LRRIQ3: variants seen among roughly 807,000 people sequenced by gnomAD.
The protein encoded by LRRIQ3 is leucine rich repeats and IQ motif containing 3.
Under a neutral mutation model 59.3 loss-of-function variants are expected in LRRIQ3, and 75 were observed. The ratio of observed to expected loss-of-function variants is 1.26; its 90% CI spans 1.05 to 1.53. The LOEUF (loss-of-function observed/expected upper bound fraction) is 1.53, where lower values mean the gene tolerates loss of function less well. Ranked by LOEUF, LRRIQ3 falls within the 40% of genes most tolerant of loss-of-function variation. The pLI is 0.00. For missense variants in LRRIQ3, 831 were observed against 710.0 expected (o/e 1.17, Z -1.94); for synonymous variants, 250 against 231.3 (o/e 1.08, Z -0.73).
intron 7 of LRRIQ3, among the ~76,000 whole-genome samples, chr1:74,036,222 G>C (rs1653868497): frequency 6.6e-6 from 1 of 152,134 alleles, no homozygotes; most frequent in Admixed American, 6.5e-5. Context: ...GAAGCAGAAA[G>C]ATTGCTCTCA....
intron 3 of LRRIQ3, among the ~76,000 whole-genome samples, chr1:74,163,822 C>T (rs1191375057): frequency 6.6e-6 from 1 of 151,378 alleles, no homozygotes; most frequent in African/African-American, 2.4e-5. Context: ...TTAGTTTTTT[C>T]AGAAAATGTC....
chr1:74,110,394 T>C (rs2100563419), intron 4 of LRRIQ3, among the ~76,000 whole-genome samples: 1 of 152,108 alleles, frequency 6.6e-6, no homozygotes, highest in Admixed American at 6.6e-5. Flanking sequence ...TGATCATGTA[T>C]TGTAAAACTC....
intron 4 of LRRIQ3, among the ~76,000 whole-genome samples, chr1:74,146,310 A>C (rs187175297): frequency 3.3e-5 from 5 of 152,186 alleles, no homozygotes; most frequent in African/African-American, 1.2e-4. Context: ...ATCATATACA[A>C]TGTTAGTGTA....
At chr1:74,066,659 A>C (rs911273887) in intron 6 of LRRIQ3, among the ~76,000 whole-genome samples, 1 of 152,170 alleles carries the variant, frequency 6.6e-6, no homozygotes, top group South Asian at 2.1e-4. Flanking sequence ...TTCATAGCCT[A>C]CTTATGAAAT....
At chr1:74,162,604 C>T (rs1648725094) in intron 3 of LRRIQ3, among the ~76,000 whole-genome samples, 1 of 151,742 alleles carries the variant, frequency 6.6e-6, no homozygotes, top group Admixed American at 6.6e-5. Flanking sequence ...AAAACTAATT[C>T]TAAAACTATA....
intron 6 of LRRIQ3, among the ~76,000 whole-genome samples, chr1:74,061,142 C>T (rs1654711152): frequency 1.3e-5 from 2 of 152,070 alleles, no homozygotes; most frequent in South Asian, 4.1e-4. Flanking sequence ...CCAACAACAT[C>T]CATGCTGAGA....
chr1:74,096,498 T>G (rs576241476), intron 5 of LRRIQ3, among the ~76,000 whole-genome samples: 1 of 151,772 alleles, frequency 6.6e-6, no homozygotes, highest in East Asian at 1.9e-4. Context: ...AGGTTATAAC[T>G]TCCTCCTTTG....
At position 74,182,673 on chromosome 1, in the gene LRRIQ3, G is replaced by C; in HGVS notation, c.438C>G (p.Asn146Lys). The change falls in exon 3 of 8, where the codon AAC becomes AAG. Residue 146 changes from asparagine (N) to lysine (K), a missense_variant. By Grantham distance (94) the Asn-to-Lys change is moderately conservative. Transcript: ENST00000354431. ...LKKGYRHVLVNSIWPLKALDH... is the reference protein window; with the variant it reads ...LKKGYRHVLVKSIWPLKALDH... ...CCAGCGCTTTGAGAGGCCATATACTGTTAACAAGAACATGTCTATATCCTT... is the reference window on the plus strand; with the variant it reads ...CCAGCGCTTTGAGAGGCCATATACTCTTAACAAGAACATGTCTATATCCTT... 1 of 1,612,394 alleles carries C rather than the reference G, an allele frequency of 6.2e-7. No individual in the cohort carries two copies. The highest frequency in any genetic ancestry group is 8.5e-7 in the Non-Finnish European group (1 of 1,178,892).
intron 4 of LRRIQ3, among the ~76,000 whole-genome samples, chr1:74,143,563 A>G (rs2100642010): frequency 6.6e-6 from 1 of 151,884 alleles, no homozygotes; most frequent in African/African-American, 2.4e-5. Flanking sequence ...TTAAAATATA[A>G]TTTTCTTTAA....
At chr1:74,112,416 T>G (rs1557621164) in intron 4 of LRRIQ3, among the ~76,000 whole-genome samples, 1 of 152,026 alleles carries the variant, frequency 6.6e-6, no homozygotes, top group African/African-American at 2.4e-5. Context: ...AGGTTGAAGT[T>G]TTCCAGAGAA....
intron 6 of LRRIQ3, among the ~76,000 whole-genome samples, chr1:74,064,138 G>T (rs1654806116): frequency 6.6e-6 from 1 of 151,542 alleles, no homozygotes; most frequent in Non-Finnish European, 1.5e-5. Context: ...TCTATATATG[G>T]TAAAAATATT....
chr1:74,042,187 T>C (rs1362085776), intron 6 of LRRIQ3, among the ~76,000 whole-genome samples: 1 of 152,130 alleles, frequency 6.6e-6, no homozygotes, highest in Non-Finnish European at 1.5e-5. Flanking sequence ...TTACTTAACT[T>C]GCAGTGACTC....
At chr1:74,179,093 G>A (rs1345880365) in intron 3 of LRRIQ3, among the ~76,000 whole-genome samples, 3 of 152,074 alleles carry the variant, frequency 2.0e-5, no homozygotes, top group South Asian at 2.1e-4. Flanking sequence ...TAAACAAAAC[G>A]CAATACTGGC....
At chr1:74,030,003 G>A (rs1346614840) in intron 7 of LRRIQ3, among the ~76,000 whole-genome samples, 1 of 151,840 alleles carries the variant, frequency 6.6e-6, no homozygotes, top group Non-Finnish European at 1.5e-5. Flanking sequence ...CAAATCATGA[G>A]TGAACTCCCA....
intron 5 of LRRIQ3, among the ~76,000 whole-genome samples, chr1:74,101,080 G>A (rs1389279799): frequency 1.3e-5 from 2 of 152,088 alleles, no homozygotes; most frequent in Non-Finnish European, 2.9e-5. Context: ...GAACTAAAGA[G>A]CTCTGCACAG....
In LRRIQ3 at chr1:74,075,850, G is replaced by A. The variant is rs555162602; in HGVS notation, c.868-1060C>T. ...GGTACTATCCTCAAACTTTTCACAT[G>A]AGTGAAAATAGCTACTAGAGCTCCA... On this transcript the variant is annotated intron_variant, in intron 5 of 7. Coordinates refer to ENST00000354431, the MANE Select transcript of LRRIQ3 (RefSeq NM_001105659.2). Among the ~76,000 whole-genome samples, 15 of 152,218 alleles carry A rather than the reference G, an allele frequency of 9.9e-5. No individual in the cohort carries two copies. The South Asian group carries it at 1.5e-3, about 15-fold the overall frequency.
chr1:74,040,931 T>G (rs1021862102), intron 7 of LRRIQ3, among the ~76,000 whole-genome samples: 1 of 152,160 alleles, frequency 6.6e-6, no homozygotes, highest in Non-Finnish European at 1.5e-5. Flanking sequence ...ATAGCACTGG[T>G]CAAGAGGCTG....
chr1:74,029,232 C>A (rs567665576), intron 7 of LRRIQ3, among the ~76,000 whole-genome samples: 128 of 152,162 alleles, frequency 8.4e-4, no homozygotes, highest in African/African-American at 2.9e-3. Context: ...CTTGCCCTGG[C>A]CAGAACTTCC....
At chr1:74,190,839 C>T (rs1009462372) in intron 1 of LRRIQ3, among the ~76,000 whole-genome samples, 1 of 151,946 alleles carries the variant, frequency 6.6e-6, no homozygotes, top group African/African-American at 2.4e-5. Context: ...TATCAGAAAC[C>T]ATGCAGGCAG....
Sources: allele counts gnomAD v4.1 joint callset (sites outside exome capture counted in the v4.1 genomes callset), GRCh38; gene constraint gnomAD v4.1.1; transcripts MANE v1.5; gene names NCBI Gene and HGNC (gene_info 2026-07-23, HGNC 2026-07-21).